The following MGAT4C variants were observed in gnomAD, a reference collection of about 807,000 sequenced individuals.
MGAT4C encodes the protein MGAT4 family member C.
A neutral mutation model predicts 40.1 loss-of-function variants in MGAT4C; 19 were observed. That is an observed-to-expected ratio of 0.47 (90% confidence interval 0.33 to 0.70). The LOEUF is 0.70. MGAT4C is among the 30% of genes least tolerant of loss of function. The pLI is 0.02. For missense variants in MGAT4C, 491 were observed against 563.2 expected, an observed-to-expected ratio of 0.87 and a Z score of 1.30; for synonymous variants, 181 against 187.1, an observed-to-expected ratio of 0.97 and a Z score of 0.27.
At chr12:86,445,857 T>C (rs575167522) in intron 2 of MGAT4C, among the ~76,000 whole-genome samples, 46 of 152,278 alleles carry the variant, frequency 3.0e-4, no homozygotes, top group African/African-American at 1.1e-3. Flanking sequence ...GAAAAAGTAG[T>C]CAATCTACTG....
At chr12:86,552,037 A>C (rs569947435) in intron 2 of MGAT4C, among the ~76,000 whole-genome samples, 5 of 151,636 alleles carry the variant, frequency 3.3e-5, no homozygotes, top group South Asian at 4.2e-4. Flanking sequence ...AAAAAAAAAA[A>C]AAAAACCAAA....
chr12:86,791,230 G>C (rs931400617), intron 1 of MGAT4C, among the ~76,000 whole-genome samples: 2 of 152,042 alleles, frequency 1.3e-5, no homozygotes, highest in Non-Finnish European at 2.9e-5. Flanking sequence ...AAGTCAGAAA[G>C]AACAAGTATC....
intron 2 of MGAT4C, among the ~76,000 whole-genome samples, chr12:86,636,306 T>C (rs922647094): frequency 1.1e-4 from 16 of 152,080 alleles, no homozygotes; most frequent in African/African-American, 3.9e-4. Flanking sequence ...ATTAGCTTTT[T>C]TAAAATTATA....
chr12:86,606,931 A>C (rs2136468727), intron 2 of MGAT4C, among the ~76,000 whole-genome samples: 1 of 152,250 alleles, frequency 6.6e-6, no homozygotes, highest in African/African-American at 2.4e-5. Flanking sequence ...ATGGTTCAAT[A>C]ATTCATAAAA....
At chr12:86,305,642 A>G (rs1483604148) in intron 4 of MGAT4C, among the ~76,000 whole-genome samples, 1 of 150,312 alleles carries the variant, frequency 6.7e-6, no homozygotes, top group Non-Finnish European at 1.5e-5. Context: ...AAAATCTGCA[A>G]ATGTTCAAGT....
chr12:86,040,775 C>T (rs1891742747), intron 2 of MGAT4C, among the ~76,000 whole-genome samples: 1 of 152,156 alleles, frequency 6.6e-6, no homozygotes, highest in South Asian at 2.1e-4. Context: ...AGTGTCCGCC[C>T]AAACTGCTGC....
intron 2 of MGAT4C, among the ~76,000 whole-genome samples, chr12:86,717,792 G>A (rs1344315863): frequency 6.6e-6 from 1 of 152,124 alleles, no homozygotes; most frequent in Non-Finnish European, 1.5e-5. Context: ...ATATGTATGG[G>A]TAGCATGAAT....
chr12:86,831,926 G>C (rs1460515049), intron 1 of MGAT4C, among the ~76,000 whole-genome samples: 1 of 151,776 alleles, frequency 6.6e-6, no homozygotes, highest in African/African-American at 2.4e-5. Context: ...ATGGGAATCT[G>C]ACAATATCAC....
intron 3 of MGAT4C, among the ~76,000 whole-genome samples, chr12:86,365,301 T>C (rs927601954): frequency 9.9e-5 from 15 of 152,190 alleles, no homozygotes; most frequent in Admixed American, 1.3e-4. Context: ...ATTGCTGTTA[T>C]CCTGTTCTTT....
intron 1 of MGAT4C, among the ~76,000 whole-genome samples, chr12:86,172,911 C>A (rs964158866): frequency 5.3e-5 from 8 of 151,984 alleles, no homozygotes; most frequent in African/African-American, 1.7e-4. Flanking sequence ...GTTATTAGAG[C>A]CATTGATGAC....
At chr12:86,807,478 G>T (rs1412513102) in intron 1 of MGAT4C, among the ~76,000 whole-genome samples, 2 of 151,996 alleles carry the variant, frequency 1.3e-5, no homozygotes, top group African/African-American at 4.8e-5. Context: ...TGGCTGCATA[G>T]TATTCCATAG....
chr12:86,795,253 C>A (rs1952095124), intron 1 of MGAT4C, among the ~76,000 whole-genome samples: 1 of 151,800 alleles, frequency 6.6e-6, no homozygotes, highest in Non-Finnish European at 1.5e-5. Flanking sequence ...GGAGAAATAA[C>A]AATTTTGTCC....
rs548147343 is a variant in MGAT4C at position 86,816,457 on chromosome 12, A to T, written c.-262+22209T>A. Among the ~76,000 whole-genome samples, 123 of 151,832 alleles carry T rather than the reference A, an allele frequency of 8.1e-4. 2 individuals are homozygous for T. Among genetic ancestry groups the T allele is most frequent in the African/African-American group, 1.8e-3 (73 of 41,504 alleles). On this transcript the variant is annotated intron_variant, in intron 1 of 7. Coordinates refer to the MGAT4C transcript ENST00000548651. ...GCTGGTATAGGTTTCAAATTTTTTTAAAAAAATTTTTAATCTTTGAAAATG... is the reference window on the plus strand; with the variant it reads ...GCTGGTATAGGTTTCAAATTTTTTTTAAAAAATTTTTAATCTTTGAAAATG...
intron 4 of MGAT4C, among the ~76,000 whole-genome samples, chr12:86,331,759 A>G (rs1289032494): frequency 2.6e-5 from 4 of 152,176 alleles, no homozygotes; most frequent in Non-Finnish European, 4.4e-5. Context: ...TGTGGAGCAG[A>G]GGAAAATTTA....
chr12:86,049,632 G>A, intron 2 of MGAT4C, 42 bp downstream of exon 2: 1 of 933,796 alleles, frequency 1.1e-6, no homozygotes. Flanking sequence ...TTTAAAAAGT[G>A]TAGTACCTTA....
At chr12:86,362,853 CG>C (rs1955510514) in intron 3 of MGAT4C, among the ~76,000 whole-genome samples, 1 of 104,414 alleles carries the variant, frequency 9.6e-6, no homozygotes, top group Non-Finnish European at 1.7e-5. Context: ...GGTGACAGAG[CG>C]AGACTCCATC....
chr12:86,682,613 GAA>G (rs904968719), intron 2 of MGAT4C, among the ~76,000 whole-genome samples: 1 of 151,762 alleles, frequency 6.6e-6, no homozygotes, highest in Non-Finnish European at 1.5e-5. Flanking sequence ...CCAAACTAGG[GAA>G]AAAAAGTTTC....
At chr12:86,395,553 T>C (rs185667743) in intron 3 of MGAT4C, among the ~76,000 whole-genome samples, 1 of 152,290 alleles carries the variant, frequency 6.6e-6, no homozygotes, top group East Asian at 1.9e-4. Flanking sequence ...AAAGTTGTAT[T>C]CAAGGAAAAC....
chr12:86,094,007 A>C (rs1380844118), intron 1 of MGAT4C, among the ~76,000 whole-genome samples: 1 of 152,146 alleles, frequency 6.6e-6, no homozygotes, highest in Non-Finnish European at 1.5e-5. Context: ...ACACGTATTC[A>C]ATGTATTTAT....
Sources: allele counts gnomAD v4.1 joint callset (sites outside exome capture counted in the v4.1 genomes callset), GRCh38; gene constraint gnomAD v4.1.1; transcripts MANE v1.5; gene names NCBI Gene and HGNC (gene_info 2026-07-23, HGNC 2026-07-21).